NWD2: variants seen among roughly 807,000 people sequenced by gnomAD.
NWD2 encodes the protein NACHT and WD repeat domain containing 2.
In NWD2, 37 loss-of-function variants were observed where a neutral mutation model predicts 132.7. The ratio of observed to expected loss-of-function variants is 0.28; its 90% confidence interval spans 0.21 to 0.37. The LOEUF is 0.37. Ranked by LOEUF, NWD2 falls within the 10% of genes least tolerant of loss-of-function variation. The pLI is 1.00. For synonymous variants in NWD2, 705 were observed against 803.0 expected, an observed-to-expected ratio of 0.88 and a Z score of 2.06; for missense variants, 1,592 against 2,122.4, an observed-to-expected ratio of 0.75 and a Z score of 4.91.
intron 1 of NWD2, among the ~76,000 whole-genome samples, chr4:37,314,957 T>C (rs572884689): frequency 1.3e-5 from 2 of 152,316 alleles, no homozygotes; most frequent in East Asian, 3.9e-4. Flanking sequence ...CGTGTGCTTT[T>C]ATTTTATCTA....
chr4:37,263,225 G>A (rs1349120164), intron 1 of NWD2, among the ~76,000 whole-genome samples: 2 of 152,094 alleles, frequency 1.3e-5, no homozygotes, highest in Non-Finnish European at 2.9e-5. Flanking sequence ...TGGCCCACAA[G>A]GAAGACACAA....
intron 1 of NWD2, among the ~76,000 whole-genome samples, chr4:37,251,857 A>G (rs563205845): frequency 1.2e-3 from 176 of 152,374 alleles, no homozygotes; most frequent in African/African-American, 4.2e-3. Flanking sequence ...CTCAAGCAGT[A>G]AATATTCACG....
intron 3 of NWD2, among the ~76,000 whole-genome samples, chr4:37,408,852 G>A (rs1490087848): frequency 6.6e-6 from 1 of 152,198 alleles, no homozygotes; most frequent in African/African-American, 2.4e-5. Context: ...AATCTTTGCT[G>A]TTCTGCAGCC....
At chr4:37,373,785 C>T (rs1246129617) in intron 3 of NWD2, among the ~76,000 whole-genome samples, 3 of 152,160 alleles carry the variant, frequency 2.0e-5, no homozygotes, top group East Asian at 1.9e-4. Context: ...GCAAGCCAGA[C>T]GTCCTGTATA....
chr4:37,302,589 A>G (rs1718631467), intron 1 of NWD2, among the ~76,000 whole-genome samples: 1 of 152,082 alleles, frequency 6.6e-6, no homozygotes, highest in Admixed American at 6.6e-5. Flanking sequence ...AATGTACAAG[A>G]GTTCTTTTTC....
chr4:37,267,465 T>C (rs1332326772), intron 1 of NWD2, among the ~76,000 whole-genome samples: 1 of 151,980 alleles, frequency 6.6e-6, no homozygotes, highest in Non-Finnish European at 1.5e-5. Context: ...TAAGAATTTC[T>C]AAGAACCCTA....
At position 37,443,597 on chromosome 4, in the gene NWD2, C is replaced by G; in HGVS notation, c.1609C>G (p.Arg537Gly). 1 of 1,551,788 alleles carries G rather than the reference C, an allele frequency of 6.4e-7. No homozygotes were observed. Among genetic ancestry groups the G allele is most frequent in the Non-Finnish European group, 8.7e-7 (1 of 1,147,006 alleles). The change falls in exon 7 of 7, where the codon CGC becomes GGC. Residue 537 changes from arginine (R) to glycine (G), a missense_variant. Coordinates refer to ENST00000309447, the MANE Select transcript of NWD2 (RefSeq NM_001144990.2). The surrounding 1 kb of genome is among the most constrained non-coding windows in gnomAD (Gnocchi z 4.1). ...KLWWLPAHLPRFVRIVLSTLP... is the reference protein window; with the variant it reads ...KLWWLPAHLPGFVRIVLSTLP... ...TTGGTGGCTCCCAGCTCACCTGCCC[C>G]GCTTTGTCCGGATAGTCCTTTCCAC... is the stretch of plus-strand genomic sequence containing the variant.
At chr4:37,326,365 A>G (rs937131597) in intron 2 of NWD2, among the ~76,000 whole-genome samples, 7 of 152,132 alleles carry the variant, frequency 4.6e-5, no homozygotes, top group Non-Finnish European at 8.8e-5. Flanking sequence ...AATATTTTGC[A>G]CTTAAAAATG....
chr4:37,400,907 C>A (rs1720884662), intron 3 of NWD2, among the ~76,000 whole-genome samples: 1 of 152,170 alleles, frequency 6.6e-6, no homozygotes, highest in African/African-American at 2.4e-5. Flanking sequence ...CAAGACATGG[C>A]AGGGCCAAAC....
rs1316631647 is a variant in NWD2 at position 37,394,159 on chromosome 4, A to G, written c.358-36413A>G. Among the ~76,000 whole-genome samples, 5 of 152,304 alleles carry G rather than the reference A, an allele frequency of 3.3e-5. No homozygotes were observed. The East Asian group carries it at 9.6e-4, about 29-fold the overall frequency. On this transcript the variant is annotated intron_variant, in intron 3 of 6. Coordinates refer to ENST00000309447, the MANE Select transcript of NWD2 (RefSeq NM_001144990.2). Reference sequence around the variant, plus strand: ...TATCTATCTAGCATCTGTTTAGATAACCACACTGAGCACTTAAGTAAATGT... The same window carrying G: ...TATCTATCTAGCATCTGTTTAGATAGCCACACTGAGCACTTAAGTAAATGT...
chr4:37,387,707 C>T (rs944217183), intron 3 of NWD2, among the ~76,000 whole-genome samples: 2 of 142,144 alleles, frequency 1.4e-5, no homozygotes, highest in Non-Finnish European at 3.0e-5. Flanking sequence ...CAGAGTCTCG[C>T]TCTGTCACCC....
At chr4:37,427,694 T>C (rs192127966) in intron 3 of NWD2, among the ~76,000 whole-genome samples, 117 of 152,332 alleles carry the variant, frequency 7.7e-4, no homozygotes, top group Non-Finnish European at 1.4e-3. Context: ...CTAGGTTAGA[T>C]CTACTTCCTT....
At chr4:37,363,301 G>A (rs1170872272) in intron 3 of NWD2, among the ~76,000 whole-genome samples, 3 of 151,962 alleles carry the variant, frequency 2.0e-5, no homozygotes, top group East Asian at 3.9e-4. Context: ...ATCATGACTG[G>A]GTATATATCC....
chr4:37,338,753 TC>T (rs1413811937), intron 2 of NWD2, among the ~76,000 whole-genome samples: 1 of 152,236 alleles, frequency 6.6e-6, no homozygotes, highest in Non-Finnish European at 1.5e-5. Flanking sequence ...TTCCACCGTT[TC>T]TTCTCTCACC....
At chr4:37,308,155 T>A (rs1181394562) in intron 1 of NWD2, among the ~76,000 whole-genome samples, 8 of 152,234 alleles carry the variant, frequency 5.3e-5, no homozygotes, top group Non-Finnish European at 1.2e-4. Flanking sequence ...TTTTGAGGTG[T>A]TAATTTTCCT....
intron 1 of NWD2, among the ~76,000 whole-genome samples, chr4:37,296,125 T>C (rs758716082): frequency 2.1e-4 from 32 of 152,328 alleles, no homozygotes; most frequent in Middle Eastern, 6.8e-3. Context: ...TCATGCCACA[T>C]TGTTCTTCCT....
intron 1 of NWD2, among the ~76,000 whole-genome samples, chr4:37,306,358 T>A (rs1387053714): frequency 6.6e-6 from 1 of 152,138 alleles, no homozygotes; most frequent in Non-Finnish European, 1.5e-5. Context: ...TTTATTCTAA[T>A]GTGGGGTTTT....
At chr4:37,399,041 G>A (rs1720855971) in intron 3 of NWD2, among the ~76,000 whole-genome samples, 2 of 152,164 alleles carry the variant, frequency 1.3e-5, no homozygotes, top group Admixed American at 1.3e-4. Context: ...CATCAAGAAA[G>A]GTACACATTT....
Position 37,329,215 on chromosome 4 carries a change from G to T in NWD2, c.240+3191G>T, listed in dbSNP as rs1357272557. 2.0e-5 allele frequency among the ~76,000 whole-genome samples: 3 copies of T among 152,124 alleles called. No homozygotes were observed. The East Asian group carries it at 5.8e-4, about 29-fold the overall frequency. The stretch of plus-strand genomic sequence containing the variant: ...TTCATTCAAGAAGTATTTGTTGAGT[G>T]CTGACCACATGGCAACCAACATTCT... On this transcript the variant is annotated intron_variant, in intron 2 of 6. Coordinates refer to ENST00000309447, the MANE Select transcript of NWD2 (RefSeq NM_001144990.2).
Sources: allele counts gnomAD v4.1 joint callset (sites outside exome capture counted in the v4.1 genomes callset), GRCh38; gene constraint gnomAD v4.1.1; non-coding constraint Gnocchi (gnomAD v3.1); transcripts MANE v1.5; gene names NCBI Gene and HGNC (gene_info 2026-07-23, HGNC 2026-07-21).